CA10: variants seen among roughly 807,000 people sequenced by gnomAD.
CA10 encodes the protein carbonic anhydrase-related protein 10.
CA10 carries 14 observed loss-of-function variants against 44.2 expected under a neutral mutation model. That is an observed-to-expected ratio of 0.32 (90% CI 0.21 to 0.50). CA10 has a LOEUF of 0.50. Ranked by LOEUF, CA10 falls within the 20% of genes least tolerant of loss-of-function variation. The pLI, the probability that CA10 is intolerant of heterozygous loss-of-function variation, is 0.99. For missense variants in CA10, 350 were observed against 409.7 expected (o/e 0.85, Z 1.26); for synonymous variants, 159 against 141.6 (o/e 1.12, Z -0.87).
At chr17:51,893,937 A>G (rs1040674780) in intron 3 of CA10, among the ~76,000 whole-genome samples, 2 of 152,146 alleles carry the variant, frequency 1.3e-5, no homozygotes, top group Admixed American at 6.6e-5. Flanking sequence ...GCAATAGAAT[A>G]AACAATAAAA....
intron 4 of CA10, among the ~76,000 whole-genome samples, chr17:51,706,503 C>G (rs1915766729): frequency 6.6e-6 from 1 of 152,238 alleles, no homozygotes; most frequent in Non-Finnish European, 1.5e-5. Context: ...TTCAAGCTAT[C>G]AGCATCTCTT....
At chr17:51,871,306 A>T (rs1415810157) in intron 3 of CA10, among the ~76,000 whole-genome samples, 1 of 150,192 alleles carries the variant, frequency 6.7e-6, no homozygotes, top group Non-Finnish European at 1.5e-5. Context: ...ATCTCAGCTC[A>T]CTGCAACCTT....
At chr17:51,869,248 G>C (rs540599581) in intron 3 of CA10, among the ~76,000 whole-genome samples, 1 of 152,098 alleles carries the variant, frequency 6.6e-6, no homozygotes, top group African/African-American at 2.4e-5. Context: ...CTAACTTATG[G>C]CCACAAATCC....
intron 3 of CA10, among the ~76,000 whole-genome samples, chr17:51,809,381 A>G (rs1907267985): frequency 6.6e-6 from 1 of 152,262 alleles, no homozygotes; most frequent in Non-Finnish European, 1.5e-5. Flanking sequence ...TACCAAAATT[A>G]TTATACCTAA....
intron 3 of CA10, among the ~76,000 whole-genome samples, chr17:51,752,834 CA>C (rs1012698010): frequency 1.3e-5 from 2 of 152,154 alleles, no homozygotes; most frequent in African/African-American, 4.8e-5. Flanking sequence ...GCAGGAGAAT[CA>C]CTTGAACCCA....
At chr17:52,131,957 A>C (rs4566215) in intron 1 of CA10, among the ~76,000 whole-genome samples, 102,787 of 150,966 alleles carry the variant, frequency 0.68, 36,574 homozygotes, top group African/African-American at 0.9. Flanking sequence ...GGGAATTGAA[A>C]AATGAGAACA....
chr17:51,768,166 C>A (rs1003827811), intron 3 of CA10, among the ~76,000 whole-genome samples: 14 of 141,836 alleles, frequency 9.9e-5, no homozygotes, highest in Admixed American at 6.4e-4. Flanking sequence ...TAAAGATGTG[C>A]TTTTTTTTTT....
At chr17:51,959,793 AG>A (rs1211341173) in intron 2 of CA10, among the ~76,000 whole-genome samples, 1 of 61,734 alleles carries the variant, frequency 1.6e-5, no homozygotes, top group African/African-American at 4.9e-5. Context: ...TTACCTGCTA[AG>A]ATGAAAAAAA....
intron 2 of CA10, among the ~76,000 whole-genome samples, chr17:52,044,686 G>A (rs1433517318): frequency 1.3e-5 from 2 of 151,914 alleles, no homozygotes; most frequent in African/African-American, 4.8e-5. Context: ...TATCTGAAAT[G>A]AAAAAATATA....
Position 51,704,278 on chromosome 17 carries a change from T to C in CA10, c.465+43355A>G, listed in dbSNP as rs148220940. Among the ~76,000 whole-genome samples, 13 of 152,314 alleles carry C rather than the reference T, an allele frequency of 8.5e-5. No homozygotes were observed. The East Asian group carries it at 2.5e-3, about 29-fold the overall frequency. On this transcript the variant is annotated intron_variant, in intron 4 of 8. Coordinates refer to ENST00000451037, the MANE Select transcript of CA10 (RefSeq NM_020178.5). ...CTCCCACCAAACACTGGAGATTCTA[T>C]ACTAAATATGACATAACCAATACTT...
In CA10 at chr17:52,157,536, C is replaced by CA. The variant is rs1297112864; in HGVS notation, c.61+189_61+190insT. ...TGCACACAGATCCTAACCACCCCCCCCCGCAAAACACACACATTCACACAC... is the reference window on the plus strand; with the variant it reads ...TGCACACAGATCCTAACCACCCCCCCACCGCAAAACACACACATTCACACAC... On this transcript the variant is annotated intron_variant, in intron 1 of 8. Transcript: ENST00000451037. Among the ~76,000 whole-genome samples the CA allele has an allele frequency of 3.4e-5, 5 of 147,618 alleles. No individual in the cohort carries two copies. The South Asian group carries it at 1.2e-3, about 34-fold the overall frequency.
At chr17:52,132,085 C>T (rs569976105) in intron 1 of CA10, among the ~76,000 whole-genome samples, 1 of 151,872 alleles carries the variant, frequency 6.6e-6, no homozygotes, top group Admixed American at 6.6e-5. Context: ...GGGTACAGCA[C>T]ACCAGCATAG....
At chr17:51,824,992 C>T (rs1907952651) in intron 3 of CA10, among the ~76,000 whole-genome samples, 1 of 152,274 alleles carries the variant, frequency 6.6e-6, no homozygotes, top group African/African-American at 2.4e-5. Flanking sequence ...GTTTAACTTT[C>T]GGATCATTTT....
intron 2 of CA10, among the ~76,000 whole-genome samples, chr17:51,972,010 A>C (rs976269771): frequency 6.6e-6 from 1 of 152,046 alleles, no homozygotes; most frequent in Non-Finnish European, 1.5e-5. Context: ...AAAAATAAGC[A>C]CAATTTTTTT....
intron 3 of CA10, among the ~76,000 whole-genome samples, chr17:51,857,715 G>C (rs1979117087): frequency 6.6e-6 from 1 of 152,156 alleles, no homozygotes; most frequent in Non-Finnish European, 1.5e-5. Context: ...GAAAGGGTTG[G>C]AAATAGAACA....
At chr17:51,636,067 GACAT>G (rs57645751) in intron 6 of CA10, 58 bp from the exon 7 acceptor site, 257,028 of 762,726 alleles carry the variant, frequency 0.34, 54,932 homozygotes, top group South Asian at 0.46. Flanking sequence ...TGGTATTGCT[GACAT>G]ACATACATAC....
chr17:51,890,687 CATAG>C, intron 3 of CA10, among the ~76,000 whole-genome samples: 1 of 152,206 alleles, frequency 6.6e-6, no homozygotes, highest in African/African-American at 2.4e-5. Flanking sequence ...GGACTCAAAC[CATAG>C]TTTCAAACCC....
chr17:51,831,441 G>C (rs188171784), intron 3 of CA10, among the ~76,000 whole-genome samples: 1 of 152,292 alleles, frequency 6.6e-6, no homozygotes, highest in East Asian at 1.9e-4. Flanking sequence ...TTTCAGGGTT[G>C]CTGTGGTGGC....
intron 1 of CA10, among the ~76,000 whole-genome samples, chr17:52,124,677 T>A (rs373111749): frequency 3.3e-5 from 5 of 152,346 alleles, no homozygotes; most frequent in South Asian, 2.1e-4. Context: ...CCTGGCAGGA[T>A]CCCTTGTCCT....
Sources: allele counts gnomAD v4.1 joint callset (sites outside exome capture counted in the v4.1 genomes callset), GRCh38; gene constraint gnomAD v4.1.1; transcripts MANE v1.5; gene names NCBI Gene and HGNC (gene_info 2026-07-23, HGNC 2026-07-21).